Variants in CCDC91 observed in about 807,000 individuals in gnomAD.
CCDC91 encodes the protein coiled-coil domain containing 91.
Under a neutral mutation model 63.2 loss-of-function variants are expected in CCDC91, and 48 were observed. That is an observed-to-expected ratio of 0.76 (90% CI 0.60 to 0.97). The LOEUF is 0.97. Ranked by LOEUF, CCDC91 falls within the 50% of genes least tolerant of loss-of-function variation. CCDC91 has a pLI of 0.00. For missense variants in CCDC91, 500 were observed against 494.6 expected (o/e 1.01, Z -0.10); for synonymous variants, 167 against 165.8 (o/e 1.01, Z -0.06).
At chr12:28,535,533 A>G (rs1942084265) in intron 12 of CCDC91, among the ~76,000 whole-genome samples, 1 of 152,214 alleles carries the variant, frequency 6.6e-6, no homozygotes, top group African/African-American at 2.4e-5. Context: ...ACTAATTCAT[A>G]TGGTATTTTA....
chr12:28,304,219 A>G (rs1188370105), intron 3 of CCDC91, among the ~76,000 whole-genome samples: 1 of 151,524 alleles, frequency 6.6e-6, no homozygotes, highest in Non-Finnish European at 1.5e-5. Context: ...TCTACTAAAA[A>G]TACAAAAATT....
At chr12:28,425,411 G>A (rs1284300377) in intron 8 of CCDC91, among the ~76,000 whole-genome samples, 4 of 151,828 alleles carry the variant, frequency 2.6e-5, no homozygotes, top group East Asian at 3.9e-4. Flanking sequence ...TTTCTTCCTC[G>A]TCTACTCCAG....
intron 6 of CCDC91, among the ~76,000 whole-genome samples, chr12:28,327,001 G>C (rs1941072589): frequency 2.0e-5 from 3 of 152,214 alleles, no homozygotes; most frequent in South Asian, 2.1e-4. Context: ...TTAATGAAGA[G>C]GTTGGGCATT....
chr12:28,334,930 C>T (rs1038806354), intron 6 of CCDC91, among the ~76,000 whole-genome samples: 1 of 150,704 alleles, frequency 6.6e-6, no homozygotes, highest in Non-Finnish European at 1.5e-5. Flanking sequence ...AAAATGTCTC[C>T]TTAATAGGGT....
chr12:28,202,671 T>C (rs1273487516), intron 1 of CCDC91, among the ~76,000 whole-genome samples: 1 of 152,266 alleles, frequency 6.6e-6, no homozygotes, highest in African/African-American at 2.4e-5. Context: ...AGCTTTTAGT[T>C]CCCACTTGTA....
intron 12 of CCDC91, among the ~76,000 whole-genome samples, chr12:28,535,689 A>C (rs556347098): frequency 1.2e-4 from 19 of 152,314 alleles, no homozygotes; most frequent in African/African-American, 4.6e-4. Context: ...CATTTTAAGT[A>C]ACTTTTACCA....
At chr12:28,446,332 C>T (rs1254948455) in intron 8 of CCDC91, among the ~76,000 whole-genome samples, 1 of 152,068 alleles carries the variant, frequency 6.6e-6, no homozygotes, top group East Asian at 1.9e-4. Flanking sequence ...TTCCTTTCAG[C>T]ATTTTTCTGT....
At chr12:28,243,449 C>A (rs990345842) in intron 1 of CCDC91, among the ~76,000 whole-genome samples, 1 of 152,048 alleles carries the variant, frequency 6.6e-6, no homozygotes, top group African/African-American at 2.4e-5. Context: ...ACTACATTCA[C>A]CAAAAATATA....
intron 6 of CCDC91, among the ~76,000 whole-genome samples, chr12:28,353,687 A>T (rs1343916834): frequency 1.3e-5 from 2 of 152,198 alleles, no homozygotes; most frequent in African/African-American, 4.8e-5. Flanking sequence ...TTGCCATCTG[A>T]TATGGGCATG....
chr12:28,517,278 C>G (rs1940056358), intron 12 of CCDC91, among the ~76,000 whole-genome samples: 1 of 151,912 alleles, frequency 6.6e-6, no homozygotes, highest in African/African-American at 2.4e-5. Context: ...GTGCCAAAAG[C>G]TTGAACTGAA....
intron 7 of CCDC91, among the ~76,000 whole-genome samples, chr12:28,377,189 ACT>A (rs1158558178): frequency 6.7e-6 from 1 of 150,302 alleles, no homozygotes; most frequent in Non-Finnish European, 1.5e-5. Flanking sequence ...CCCTTTTGAA[ACT>A]CTCATCTAGA....
intron 12 of CCDC91, among the ~76,000 whole-genome samples, chr12:28,485,152 ATACT>A (rs1168541788): frequency 6.6e-6 from 1 of 150,852 alleles, no homozygotes. Context: ...CTTTAGTCCT[ATACT>A]TTTTTTTTTT....
chr12:28,452,845 T>C (rs1375458106), intron 11 of CCDC91, among the ~76,000 whole-genome samples, 191 bp downstream of exon 11: 9 of 151,964 alleles, frequency 5.9e-5, no homozygotes, highest in Non-Finnish European at 1.3e-4. Context: ...GCTTTCATCT[T>C]TCTGATATTG....
At chr12:28,250,058 G>T (rs1228121347) in intron 1 of CCDC91, among the ~76,000 whole-genome samples, 3 of 152,072 alleles carry the variant, frequency 2.0e-5, no homozygotes, top group African/African-American at 7.2e-5. Context: ...AGAAGATAAT[G>T]AGATAGAATC....
chr12:28,336,176 T>C (rs772730188), intron 6 of CCDC91, among the ~76,000 whole-genome samples: 4 of 152,024 alleles, frequency 2.6e-5, no homozygotes, highest in Non-Finnish European at 5.9e-5. Flanking sequence ...GGGCCCTAAT[T>C]CAGAAGAACA....
At chr12:28,279,656 T>A (rs1426211989) in intron 3 of CCDC91, among the ~76,000 whole-genome samples, 1 of 152,100 alleles carries the variant, frequency 6.6e-6, no homozygotes, top group Non-Finnish European at 1.5e-5. Context: ...ATTTTGTAAT[T>A]AGAAATTTCC....
intron 3 of CCDC91, among the ~76,000 whole-genome samples, chr12:28,267,400 A>G (rs1224174718): frequency 6.6e-6 from 1 of 151,294 alleles, no homozygotes; most frequent in Non-Finnish European, 1.5e-5. Context: ...TATTATTATT[A>G]ATGTAACTAG....
chr12:28,434,965 A>T (rs1468168790), intron 8 of CCDC91, among the ~76,000 whole-genome samples: 2 of 151,594 alleles, frequency 1.3e-5, no homozygotes, highest in Non-Finnish European at 3.0e-5. Context: ...TTTCCCTGGG[A>T]TATGCAATGA....
intron 2 of CCDC91, among the ~76,000 whole-genome samples, 176 bp from the exon 3 acceptor site, chr12:28,259,188 G>T (rs1946654433): frequency 6.6e-6 from 1 of 152,020 alleles, no homozygotes; most frequent in Non-Finnish European, 1.5e-5. Flanking sequence ...GGTACTGGGG[G>T]TGGTGAGTCA....
Sources: gnomAD v4.1 joint callset for allele counts (sites outside exome capture counted in the v4.1 genomes callset) on GRCh38, gnomAD v4.1.1 for gene constraint, MANE v1.5 for transcripts, NCBI Gene and HGNC (gene_info 2026-07-23, HGNC 2026-07-21) for gene names.